Variants in LARGE1 observed in about 807,000 individuals in gnomAD.
LARGE1 encodes xylosyl- and glucuronyltransferase LARGE1.
Under a neutral mutation model 87.6 loss-of-function variants are expected in LARGE1, and 43 were observed. That is an observed-to-expected ratio of 0.49 (90% CI 0.38 to 0.63). LARGE1 has a LOEUF of 0.63. Ranked by LOEUF, LARGE1 falls within the 30% of genes least tolerant of loss-of-function variation. LARGE1 has a pLI of 0.00. For missense variants in LARGE1, 802 were observed against 1,000.2 expected, an observed-to-expected ratio of 0.80 and a Z score of 2.67; for synonymous variants, 434 against 394.6, an observed-to-expected ratio of 1.10 and a Z score of -1.18.
At chr22:33,719,535 T>TTTA (rs1569402018) in intron 2 of LARGE1, among the ~76,000 whole-genome samples, 21 of 101,998 alleles carry the variant, frequency 2.1e-4, no homozygotes, top group Admixed American at 5.0e-4. Flanking sequence ...TTATTTATTT[T>TTTA]TTTGAGACAG....
chr22:33,729,781 T>G (rs2083394137), intron 2 of LARGE1, among the ~76,000 whole-genome samples: 1 of 152,250 alleles, frequency 6.6e-6, no homozygotes, highest in African/African-American at 2.4e-5. Flanking sequence ...TGCAAAGATC[T>G]TTATCTCTGC....
At chr22:33,706,431 A>G (rs1414461706) in intron 2 of LARGE1, among the ~76,000 whole-genome samples, 1 of 152,188 alleles carries the variant, frequency 6.6e-6, no homozygotes. Context: ...AAGCAGCAAG[A>G]GTATCCTGGT....
At chr22:33,304,986 G>A (rs1324119422) in intron 11 of LARGE1, among the ~76,000 whole-genome samples, 1 of 152,156 alleles carries the variant, frequency 6.6e-6, no homozygotes, top group African/African-American at 2.4e-5. Flanking sequence ...AATTACAGAT[G>A]TGCTGCAGTG....
rs146535092 is a variant in LARGE1 at position 33,590,692 on chromosome 22, C to A, written c.615+13743G>T. ...ACTTAACATCAAACCTTCTCACTGG[C>A]ATTGCTGTATGTGCCGTCAGTTCAT... On this transcript the variant is annotated intron_variant, in intron 5 of 14. Transcript: ENST00000397394. Among the ~76,000 whole-genome samples, 7 of 152,294 alleles carry A rather than the reference C, an allele frequency of 4.6e-5. No homozygotes were observed. In the East Asian group the frequency reaches 1.4e-3, roughly 29 times the overall value.
intron 11 of LARGE1, among the ~76,000 whole-genome samples, chr22:33,181,495 T>C (rs5998788): frequency 0.085 from 12,981 of 151,984 alleles, 748 homozygotes; most frequent in Middle Eastern, 0.2. Context: ...CAGACATTCT[T>C]CACGTGAGCA....
At chr22:33,088,281 T>C in the LARGE1 span, among the ~76,000 whole-genome samples, 7 of 152,092 alleles carry the variant, frequency 4.6e-5, no homozygotes, top group Non-Finnish European at 1.0e-4. Context: ...CATGGCATCA[T>C]GGAAAAAGCA....
rs189902093 is a variant in LARGE1, at chr22:33,709,815, G to A, written c.106+51556C>T. On this transcript the variant is annotated intron_variant, in intron 2 of 14. Coordinates refer to ENST00000397394, the MANE Select transcript of LARGE1 (RefSeq NM_133642.5). ...TAATTTTTATATTTTTTGTACAGAC[G>A]GGGGTTTTGCCATGTTAGCCAGGCT... Among the ~76,000 whole-genome samples the A allele has an allele frequency of 1.9e-3, 288 of 151,150 alleles. 1 individual carries two copies. Among genetic ancestry groups the A allele is most frequent in the African/African-American group, 6.4e-3 (264 of 41,238 alleles).
chr22:33,085,047 G>C, the LARGE1 span, among the ~76,000 whole-genome samples: 1 of 152,364 alleles, frequency 6.6e-6, no homozygotes, highest in South Asian at 2.1e-4. Flanking sequence ...AGGCCAAGGA[G>C]GGTGGATCAC....
At chr22:33,625,892 A>G (rs240590) in intron 4 of LARGE1, among the ~76,000 whole-genome samples, 78,385 of 152,040 alleles carry the variant, frequency 0.52, 22,635 homozygotes, top group East Asian at 0.73. Context: ...ATTGTGGTGG[A>G]CATAACTCAA....
At chr22:33,259,510 G>GT (rs1298264298) in intron 11 of LARGE1, among the ~76,000 whole-genome samples, 1 of 151,818 alleles carries the variant, frequency 6.6e-6, no homozygotes, top group Non-Finnish European at 1.5e-5. Context: ...ACGCGTGTGT[G>GT]CATGGACACA....
At chr22:33,915,910 C>A (rs577395023) in intron 1 of LARGE1, among the ~76,000 whole-genome samples, 4 of 152,278 alleles carry the variant, frequency 2.6e-5, no homozygotes, top group African/African-American at 9.6e-5. Flanking sequence ...CCTGTGATCC[C>A]CTTCCTCCCT....
At chr22:33,252,247 T>G (rs1927040042) in intron 11 of LARGE1, among the ~76,000 whole-genome samples, 1 of 87,908 alleles carries the variant, frequency 1.1e-5, no homozygotes, top group African/African-American at 5.4e-5. Context: ...GATAATTCCT[T>G]CATTCCCCCC....
intron 1 of LARGE1, among the ~76,000 whole-genome samples, chr22:33,883,167 T>C (rs754638837): frequency 2.6e-5 from 4 of 152,146 alleles, no homozygotes; most frequent in African/African-American, 4.8e-5. Context: ...TGAGATATGA[T>C]GCAAAGGGCC....
intron 1 of LARGE1, among the ~76,000 whole-genome samples, chr22:33,784,119 T>C (rs1297649063): frequency 6.6e-6 from 1 of 152,218 alleles, no homozygotes; most frequent in Non-Finnish European, 1.5e-5. Context: ...TAGACTCTGC[T>C]TAATTAGAAT....
intron 2 of LARGE1, among the ~76,000 whole-genome samples, chr22:33,692,840 G>A (rs938743821): frequency 2.0e-5 from 3 of 151,876 alleles, no homozygotes; most frequent in African/African-American, 4.8e-5. Flanking sequence ...TGAAGTTTAG[G>A]TATTAAAGAA....
At chr22:33,905,044 GTT>G (rs34572730) in intron 1 of LARGE1, among the ~76,000 whole-genome samples, 2 of 126,800 alleles carry the variant, frequency 1.6e-5, no homozygotes, top group African/African-American at 5.8e-5. Context: ...AGGTATTTAA[GTT>G]TTTTTTTTTT....
intron 2 of LARGE1, among the ~76,000 whole-genome samples, chr22:33,661,765 C>T (rs558143589): frequency 6.6e-6 from 1 of 152,052 alleles, no homozygotes; most frequent in South Asian, 2.1e-4. Flanking sequence ...AAGGATCCAA[C>T]AGAATGATGA....
intron 4 of LARGE1, among the ~76,000 whole-genome samples, chr22:33,612,998 T>A (rs1451179018): frequency 6.6e-6 from 1 of 152,156 alleles, no homozygotes; most frequent in East Asian, 1.9e-4. Context: ...AACCTCACCC[T>A]CACCTTTATG....
intron 1 of LARGE1, among the ~76,000 whole-genome samples, chr22:33,774,107 ACTC>A (rs1247701869): frequency 6.6e-6 from 1 of 151,866 alleles, no homozygotes; most frequent in African/African-American, 2.4e-5. Context: ...ATGGAAAAAA[ACTC>A]CTCCAAACAC....
Sources: gnomAD v4.1 joint callset for allele counts (sites outside exome capture counted in the v4.1 genomes callset) on GRCh38, gnomAD v4.1.1 for gene constraint, MANE v1.5 for transcripts, NCBI Gene and HGNC (gene_info 2026-07-23, HGNC 2026-07-21) for gene names.